The following FHL2 variants were observed in gnomAD, a reference collection of about 807,000 sequenced individuals.
The protein encoded by FHL2 is four and a half LIM domains 2, also known as four and a half LIM domains protein 2.
A neutral mutation model predicts 32.7 loss-of-function variants in FHL2; 20 were observed. The ratio of observed to expected loss-of-function variants is 0.61; its 90% CI spans 0.43 to 0.89. The LOEUF is 0.89. FHL2 is among the 40% of genes least tolerant of loss of function. FHL2 has a pLI of 0.00. For missense variants in FHL2, 311 were observed against 358.6 expected (o/e 0.87, Z 1.07); for synonymous variants, 123 against 128.1 (o/e 0.96, Z 0.27).
intron 3 of FHL2, among the ~76,000 whole-genome samples, chr2:105,381,009 G>A (rs1681850373): frequency 6.6e-6 from 1 of 152,086 alleles, no homozygotes; most frequent in African/African-American, 2.4e-5. Context: ...CTGAGCTTTA[G>A]TGGCAAGTGG....
chr2:105,436,384 T>A (rs927064412), intron 1 of FHL2, among the ~76,000 whole-genome samples: 6 of 152,142 alleles, frequency 3.9e-5, no homozygotes, highest in Non-Finnish European at 8.8e-5. Flanking sequence ...ATCTTTATCC[T>A]TTTTTACTTC....
At chr2:105,403,868 G>C (rs1418329763), upstream of FHL2, among the ~76,000 whole-genome samples, 1 of 152,252 alleles carries the variant, frequency 6.6e-6, no homozygotes, top group Non-Finnish European at 1.5e-5. Context: ...GGAGGTAGAA[G>C]TTTGAGCCAG....
At chr2:105,420,330 G>A (rs1427535340) in intron 1 of FHL2, among the ~76,000 whole-genome samples, 2 of 152,126 alleles carry the variant, frequency 1.3e-5, no homozygotes, top group Non-Finnish European at 2.9e-5. Context: ...CTCCCTGTGT[G>A]TGCGTCTGCC....
chr2:105,430,500 C>T (rs1684398194), intron 1 of FHL2, among the ~76,000 whole-genome samples: 1 of 152,172 alleles, frequency 6.6e-6, no homozygotes, highest in African/African-American at 2.4e-5. Context: ...AACCTCGTCT[C>T]TACTAAAAAT....
At chr2:105,395,592 G>C (rs1335451566) in intron 2 of FHL2, among the ~76,000 whole-genome samples, 1 of 152,208 alleles carries the variant, frequency 6.6e-6, no homozygotes, top group African/African-American at 2.4e-5. Flanking sequence ...ACAGGACTCT[G>C]TCCCGAGAGG....
At chr2:105,368,332 T>C (rs1419485095) in intron 4 of FHL2, among the ~76,000 whole-genome samples, 1 of 152,180 alleles carries the variant, frequency 6.6e-6, no homozygotes, top group Admixed American at 6.5e-5. Flanking sequence ...AACCTACATG[T>C]AGTTTTTTTT....
At chr2:105,375,754 G>A (rs1367860806) in intron 3 of FHL2, 2 of 152,256 alleles carry the variant, frequency 1.3e-5, no homozygotes, top group Non-Finnish European at 2.9e-5. Flanking sequence ...GCCTGTCAGG[G>A]GGACTCGGGG....
chr2:105,421,386 TC>T (rs1461833465), intron 1 of FHL2, among the ~76,000 whole-genome samples: 1 of 151,806 alleles, frequency 6.6e-6, no homozygotes, highest in African/African-American at 2.4e-5. Context: ...GGTGGAGTAT[TC>T]ACAAGCACGC....
intron 1 of FHL2, among the ~76,000 whole-genome samples, chr2:105,420,454 G>A (rs1240436039): frequency 6.6e-6 from 1 of 152,092 alleles, no homozygotes; most frequent in Non-Finnish European, 1.5e-5. Flanking sequence ...TCCGAATAAG[G>A]CCATAGAGTT....
intron 1 of FHL2, among the ~76,000 whole-genome samples, chr2:105,424,802 A>T (rs563979427): frequency 2.0e-5 from 3 of 152,222 alleles, no homozygotes; most frequent in African/African-American, 7.2e-5. Flanking sequence ...GTTCTCACTC[A>T]TAAGTGGGAG....
intron 3 of FHL2, among the ~76,000 whole-genome samples, chr2:105,385,280 A>G (rs1682221352): frequency 6.6e-6 from 1 of 152,204 alleles, no homozygotes; most frequent in Non-Finnish European, 1.5e-5. Flanking sequence ...ACAGAAAGTG[A>G]TGGTGCAGCC....
Position 105,373,685 on chromosome 2 carries a change from AGCAGTGGAAACAGGCTTCATGCCAGT to A in FHL2, c.179_204del (p.His60LeufsTer56), listed in dbSNP as rs1681259132. The A allele has an allele frequency of 6.2e-7, 1 of 1,614,186 alleles. No homozygotes were observed. The highest frequency in any genetic ancestry group is 1.3e-5 in the African/African-American group (1 of 75,052). ...TCCACCAGTGAGTTTCTGCACTGCG[AGCAGTGGAAACAGGCTTCATGCCAGT>A]GCCGGTCCTTGTAAGACAAGTCCTG... is the stretch of plus-strand genomic sequence containing the variant. On this transcript the variant is annotated frameshift_variant, in exon 4 of 7. Coordinates refer to ENST00000530340, the MANE Select transcript of FHL2 (RefSeq NM_001318895.3). LOFTEE classifies it high-confidence loss of function.
Position 105,361,423 on chromosome 2 carries a change from T to C in FHL2, c.700A>G (p.Thr234Ala). The C allele has an allele frequency of 1.2e-6, 2 of 1,614,012 alleles. No individual in the cohort carries two copies. The highest frequency in any genetic ancestry group is 8.5e-7 in the Non-Finnish European group (1 of 1,179,932). ...CGTTCCTCAAAGGAGATGTATTTTGTGCCACCAAGTCCTGTTAACAGAGAG... is the reference window on the plus strand; with the variant it reads ...CGTTCCTCAAAGGAGATGTATTTTGCGCCACCAAGTCCTGTTAACAGAGAG... The part of the protein sequence containing the change: ...CTNPISGLGG[T>A]KYISFEERQW... The change falls in exon 7 of 7, where the codon ACA (threonine) becomes GCA (alanine). Residue 234 changes from threonine (T) to alanine (A), a missense_variant. By Grantham distance (58) the Thr-to-Ala change is moderately conservative. Coordinates refer to ENST00000530340, the MANE Select transcript of FHL2 (RefSeq NM_001318895.3).
At chr2:105,402,329 C>T (rs1683501589), upstream of FHL2, among the ~76,000 whole-genome samples, 1 of 151,914 alleles carries the variant, frequency 6.6e-6, no homozygotes, top group South Asian at 2.1e-4. Context: ...TCACTGAAAC[C>T]TCTGCCTCCC....
chr2:105,394,703 T>G (rs1316583875), intron 2 of FHL2, among the ~76,000 whole-genome samples: 1 of 152,232 alleles, frequency 6.6e-6, no homozygotes, highest in African/African-American at 2.4e-5. Flanking sequence ...TCTTAGTTTG[T>G]AAGGTATAAA....
chr2:105,396,213 G>C (rs1683119347), intron 2 of FHL2, among the ~76,000 whole-genome samples: 1 of 152,156 alleles, frequency 6.6e-6, no homozygotes, highest in Non-Finnish European at 1.5e-5. Context: ...AGGTGAAAAA[G>C]TCCCAAGACC....
chr2:105,405,695 G>T (rs1039741350), intron 1 of FHL2, among the ~76,000 whole-genome samples: 6 of 152,192 alleles, frequency 3.9e-5, no homozygotes, highest in Admixed American at 1.3e-4. Flanking sequence ...GTCGTTTTGT[G>T]CTATTTCCAC....
intron 1 of FHL2, among the ~76,000 whole-genome samples, chr2:105,433,876 C>G (rs1684512827): frequency 6.6e-6 from 1 of 152,128 alleles, no homozygotes. Context: ...AGTCAAGAGA[C>G]TTTCTTATTT....
intron 1 of FHL2, among the ~76,000 whole-genome samples, chr2:105,414,326 T>C (rs373730234): frequency 1.3e-5 from 2 of 152,082 alleles, no homozygotes; most frequent in African/African-American, 4.8e-5. Context: ...GCATGATTGA[T>C]TAGACCATTG....
Sources: allele counts gnomAD v4.1 joint callset (sites outside exome capture counted in the v4.1 genomes callset), GRCh38; gene constraint gnomAD v4.1.1; transcripts MANE v1.5; gene names NCBI Gene and HGNC (gene_info 2026-07-23, HGNC 2026-07-21).